The following AMOTL1 variants were observed in gnomAD, a reference collection of about 807,000 sequenced individuals.
AMOTL1 encodes angiomotin like 1.
A neutral mutation model predicts 102.9 loss-of-function variants in AMOTL1; 45 were observed. That is an observed-to-expected ratio of 0.44 (90% confidence interval 0.34 to 0.56). The LOEUF is 0.56. Among genes scored for constraint, AMOTL1 ranks in the 20% least tolerant of loss-of-function variants. AMOTL1 has a pLI of 0.01. For missense variants in AMOTL1, 1,114 were observed against 1,225.6 expected (o/e 0.91, Z 1.36); for synonymous variants, 481 against 484.7 (o/e 0.99, Z 0.10).
chr11:94,738,726 G>T (rs192544151), intron 2 of AMOTL1, among the ~76,000 whole-genome samples: 58 of 152,334 alleles, frequency 3.8e-4, no homozygotes, highest in African/African-American at 1.0e-3. Flanking sequence ...GGAAACTAAA[G>T]TCCATAAGGA....
intron 3 of AMOTL1, among the ~76,000 whole-genome samples, chr11:94,760,053 C>G (rs570618922): frequency 3.4e-4 from 52 of 152,182 alleles, no homozygotes; most frequent in Middle Eastern, 3.2e-3. Flanking sequence ...TTTAGCAAGC[C>G]CTTCAGGTGA....
intron 1 of AMOTL1, among the ~76,000 whole-genome samples, chr11:94,788,972 G>A (rs1192096361): frequency 6.6e-6 from 1 of 152,134 alleles, no homozygotes; most frequent in South Asian, 2.1e-4. Flanking sequence ...TAGAATTCAA[G>A]TTTGATGCCC....
intron 6 of AMOTL1, among the ~76,000 whole-genome samples, chr11:94,839,913 G>A (rs926911429): frequency 2.6e-5 from 4 of 152,184 alleles, no homozygotes; most frequent in African/African-American, 9.6e-5. Flanking sequence ...AATGTATTCA[G>A]ATCTTCTCAA....
intron 4 of AMOTL1, among the ~76,000 whole-genome samples, chr11:94,823,532 G>A (rs905649602): frequency 2.0e-5 from 3 of 152,012 alleles, no homozygotes; most frequent in African/African-American, 7.3e-5. Context: ...GCACTTCTTG[G>A]GAAACAAGGA....
chr11:94,839,502 G>A (rs1368189939), intron 6 of AMOTL1, among the ~76,000 whole-genome samples: 1 of 152,184 alleles, frequency 6.6e-6, no homozygotes, highest in Non-Finnish European at 1.5e-5. Context: ...TTCGATTCTG[G>A]AGCCCAAACT....
chr11:94,754,179 T>C (rs527904849), intron 3 of AMOTL1, among the ~76,000 whole-genome samples: 54 of 152,300 alleles, frequency 3.5e-4, no homozygotes, highest in African/African-American at 1.3e-3. Flanking sequence ...TGTTATTATA[T>C]GGTGACTGCA....
upstream of AMOTL1, among the ~76,000 whole-genome samples, chr11:94,767,181 C>G: frequency 6.6e-6 from 1 of 152,166 alleles, no homozygotes; most frequent in East Asian, 1.9e-4. Flanking sequence ...CCTTGAAGGG[C>G]TGGTCAGCTG....
intron 2 of AMOTL1, chr11:94,797,132 C>T (rs1001263578): frequency 7.8e-6 from 4 of 513,254 alleles, no homozygotes; most frequent in South Asian, 8.4e-5. Flanking sequence ...AATGATGTGC[C>T]GTATGTACAC....
chr11:94,836,956 C>T (rs1215455549), intron 6 of AMOTL1, among the ~76,000 whole-genome samples: 1 of 152,020 alleles, frequency 6.6e-6, no homozygotes, highest in Non-Finnish European at 1.5e-5. Flanking sequence ...TAACAACTGG[C>T]CAGGTGCTCA....
At chr11:94,726,537 A>G (rs1247940585) in intron 1 of AMOTL1, among the ~76,000 whole-genome samples, 1 of 152,174 alleles carries the variant, frequency 6.6e-6, no homozygotes, top group East Asian at 1.9e-4. Context: ...ACCCCAACTT[A>G]TCAGGCATAT....
intron 8 of AMOTL1, among the ~76,000 whole-genome samples, chr11:94,854,930 G>A (rs1199153643): frequency 6.6e-6 from 1 of 152,172 alleles, no homozygotes; most frequent in Non-Finnish European, 1.5e-5. Flanking sequence ...AACTGAGCAT[G>A]TAACTCAGCT....
intron 1 of AMOTL1, among the ~76,000 whole-genome samples, chr11:94,712,731 A>C (rs1484844700): frequency 2.6e-5 from 4 of 152,010 alleles, no homozygotes; most frequent in Non-Finnish European, 5.9e-5. Flanking sequence ...TATTCTAGAT[A>C]TAAGTCCTTT....
chr11:94,708,294 C>G (rs1446602294), intron 1 of AMOTL1, among the ~76,000 whole-genome samples: 1 of 152,182 alleles, frequency 6.6e-6, no homozygotes, highest in African/African-American at 2.4e-5. Context: ...GAAGCATTAG[C>G]ATTTTTATGA....
chr11:94,716,226 G>A (rs1950097449), intron 1 of AMOTL1, among the ~76,000 whole-genome samples: 1 of 151,888 alleles, frequency 6.6e-6, no homozygotes, highest in Non-Finnish European at 1.5e-5. Context: ...TTTCTTTGTT[G>A]GAATTGTGTG....
At chr11:94,715,542 T>C (rs1950083794) in intron 1 of AMOTL1, among the ~76,000 whole-genome samples, 2 of 152,114 alleles carry the variant, frequency 1.3e-5, no homozygotes, top group Non-Finnish European at 2.9e-5. Flanking sequence ...GGTAGGTCTG[T>C]TGGTGACAAA....
chr11:94,779,427 A>C (rs925969117), intron 1 of AMOTL1, among the ~76,000 whole-genome samples: 1 of 152,192 alleles, frequency 6.6e-6, no homozygotes, highest in African/African-American at 2.4e-5. Context: ...ACAAGTACGC[A>C]AGATAGTTTT....
chr11:94,795,643 T>A (rs1951353384), intron 2 of AMOTL1, among the ~76,000 whole-genome samples: 1 of 152,212 alleles, frequency 6.6e-6, no homozygotes, highest in African/African-American at 2.4e-5. Flanking sequence ...GAGGGAATCT[T>A]TAAACCACTT....
intron 2 of AMOTL1, among the ~76,000 whole-genome samples, chr11:94,731,418 C>G (rs2135460229): frequency 6.6e-6 from 1 of 152,170 alleles, no homozygotes; most frequent in African/African-American, 2.4e-5. Context: ...TCTCAGAGGC[C>G]TGGGATGAGA....
At chr11:94,713,965 C>T (rs1288683482) in intron 1 of AMOTL1, among the ~76,000 whole-genome samples, 1 of 151,944 alleles carries the variant, frequency 6.6e-6, no homozygotes, top group Admixed American at 6.6e-5. Flanking sequence ...AAATCCTTTC[C>T]AATCTCAAAG....
Sources: gnomAD v4.1 joint callset for allele counts (sites outside exome capture counted in the v4.1 genomes callset) on GRCh38, gnomAD v4.1.1 for gene constraint, MANE v1.5 for transcripts, NCBI Gene and HGNC (gene_info 2026-07-23, HGNC 2026-07-21) for gene names.